The following CSMD1 variants were observed in gnomAD, a reference collection of about 807,000 sequenced individuals.
The protein encoded by CSMD1 is CUB and Sushi multiple domains 1, also known as CUB and sushi domain-containing protein 1.
Under a neutral mutation model 417.5 loss-of-function variants are expected in CSMD1, and 213 were observed. The observed-to-expected ratio is 0.51, with a 90% CI of 0.46 to 0.57. CSMD1 has a LOEUF of 0.57. Ranked by LOEUF, CSMD1 falls within the 20% of genes least tolerant of loss-of-function variation. CSMD1 has a pLI of 0.00. For synonymous variants in CSMD1, 2,862 were observed against 1,736.8 expected, an observed-to-expected ratio of 1.65 and a Z score of -16.11; for missense variants, 6,923 against 4,529.7, an observed-to-expected ratio of 1.53 and a Z score of -15.17.
intron 1 of CSMD1, among the ~76,000 whole-genome samples, chr8:4,979,249 A>G (rs1238947474): frequency 6.6e-6 from 1 of 152,210 alleles, no homozygotes; most frequent in Non-Finnish European, 1.5e-5. Context: ...ATAGCTGCTC[A>G]CATTTATTTA....
At chr8:4,801,165 C>A (rs1201369027) in intron 1 of CSMD1, among the ~76,000 whole-genome samples, 1 of 152,188 alleles carries the variant, frequency 6.6e-6, no homozygotes, top group Non-Finnish European at 1.5e-5. Flanking sequence ...CAATGTCTTA[C>A]TTCAGACTGT....
At chr8:4,923,538 ATAC>A (rs1318206339) in intron 1 of CSMD1, among the ~76,000 whole-genome samples, 1 of 152,084 alleles carries the variant, frequency 6.6e-6, no homozygotes, top group Non-Finnish European at 1.5e-5. Context: ...ATATATATAT[ATAC>A]TATGTGCCCA....
chr8:4,220,572 T>C (rs1293689147), intron 3 of CSMD1, among the ~76,000 whole-genome samples: 2 of 152,162 alleles, frequency 1.3e-5, no homozygotes, highest in Admixed American at 6.5e-5. Context: ...TGTGAAATAA[T>C]TGTGGCTTTT....
intron 7 of CSMD1, among the ~76,000 whole-genome samples, chr8:3,706,107 C>T (rs1235042969): frequency 1.3e-5 from 2 of 152,362 alleles, no homozygotes; most frequent in African/African-American, 4.8e-5. Context: ...ACCTCCCCTA[C>T]CGTTCGCCCC....
Position 4,407,659 on chromosome 8 carries a change from T to C in CSMD1, c.415+12294A>G, listed in dbSNP as rs1373608654. ...AAATACAAGTTAATTAGTGCCTTTG[T>C]CTTTGTGAACTTCATACAAATTTAA... On this transcript the variant is annotated intron_variant, in intron 3 of 69. Coordinates refer to ENST00000635120, the MANE Select transcript of CSMD1 (RefSeq NM_033225.6). Among the ~76,000 whole-genome samples, 3 of 152,242 alleles carry C rather than the reference T, an allele frequency of 2.0e-5. No homozygotes were observed. The East Asian group carries it at 5.8e-4, about 29-fold the overall frequency.
chr8:4,055,943 A>T (rs1229925871), intron 3 of CSMD1, among the ~76,000 whole-genome samples: 6 of 152,170 alleles, frequency 3.9e-5, no homozygotes, highest in Non-Finnish European at 8.8e-5. Flanking sequence ...TGTAAATTAC[A>T]CTTAAAATGA....
At chr8:4,200,726 G>C (rs181954477) in intron 3 of CSMD1, among the ~76,000 whole-genome samples, 1 of 152,252 alleles carries the variant, frequency 6.6e-6, no homozygotes, top group East Asian at 1.9e-4. Flanking sequence ...GCCAGACATG[G>C]TTGTGTGTAT....
intron 26 of CSMD1, among the ~76,000 whole-genome samples, chr8:3,250,611 C>G (rs1354108821): frequency 6.6e-6 from 1 of 152,176 alleles, no homozygotes; most frequent in African/African-American, 2.4e-5. Context: ...ATTTCTAGTT[C>G]TAGGTCCCTG....
intron 50 of CSMD1, among the ~76,000 whole-genome samples, chr8:3,033,732 G>C (rs1262971508): frequency 6.6e-6 from 1 of 152,156 alleles, no homozygotes; most frequent in African/African-American, 2.4e-5. Flanking sequence ...AAACCTGTAT[G>C]TTCTGCACAT....
intron 18 of CSMD1, among the ~76,000 whole-genome samples, chr8:3,370,407 T>C (rs954646616): frequency 2.0e-5 from 3 of 152,160 alleles, no homozygotes; most frequent in African/African-American, 7.2e-5. Context: ...CTGGAACCTC[T>C]CCACCTGCAG....
At chr8:4,194,809 G>C (rs1386820482) in intron 3 of CSMD1, among the ~76,000 whole-genome samples, 4 of 151,630 alleles carry the variant, frequency 2.6e-5, no homozygotes, top group Non-Finnish European at 4.4e-5. Context: ...TGGTCACTAT[G>C]AGTTCTGCAA....
rs188053756 is a variant in CSMD1 at position 3,673,964 on chromosome 8, A to C, written c.1009+34450T>G. Among the ~76,000 whole-genome samples the C allele has an allele frequency of 4.1e-3, 630 of 152,160 alleles. 1 individual carries two copies. The highest frequency in any genetic ancestry group is 7.0e-3 in the Non-Finnish European group (476 of 67,996). ...ACAATCATGTCTCTAATCCAAATACAAAAATTAGCCAGGCATGGTGGCACA... is the reference window on the plus strand; with the variant it reads ...ACAATCATGTCTCTAATCCAAATACCAAAATTAGCCAGGCATGGTGGCACA... On this transcript the variant is annotated intron_variant, in intron 7 of 69. Coordinates refer to ENST00000635120, the MANE Select transcript of CSMD1 (RefSeq NM_033225.6).
intron 3 of CSMD1, among the ~76,000 whole-genome samples, chr8:4,117,064 T>C (rs911869634): frequency 1.3e-5 from 2 of 151,924 alleles, no homozygotes; most frequent in Non-Finnish European, 2.9e-5. Flanking sequence ...TTAACCAGAA[T>C]GAAATCTGGC....
intron 3 of CSMD1, among the ~76,000 whole-genome samples, chr8:4,295,406 A>ATGT (rs1162395142): frequency 6.9e-6 from 1 of 144,708 alleles, no homozygotes; most frequent in African/African-American, 2.5e-5. Flanking sequence ...AAGATTATAT[A>ATGT]ATCTTATTAT....
At chr8:4,732,582 G>A (rs1198522451) in intron 1 of CSMD1, among the ~76,000 whole-genome samples, 1 of 152,068 alleles carries the variant, frequency 6.6e-6, no homozygotes, top group Non-Finnish European at 1.5e-5. Flanking sequence ...TGTCAGAGAA[G>A]CACTGCTTTC....
intron 6 of CSMD1, among the ~76,000 whole-genome samples, chr8:3,741,888 C>A (rs186438537): frequency 1.5e-4 from 23 of 152,250 alleles, no homozygotes; most frequent in Non-Finnish European, 2.5e-4. Flanking sequence ...CAATTCCTTA[C>A]CATGTGAGTC....
Position 4,199,177 on chromosome 8 carries a change from T to C in CSMD1, c.416-167078A>G, listed in dbSNP as rs193189637. 4.5e-3 allele frequency among the ~76,000 whole-genome samples: 689 copies of C among 152,146 alleles called. 4 individuals carry two copies. The highest frequency in any genetic ancestry group is 0.015 in the African/African-American group (635 of 41,460). On this transcript the variant is annotated intron_variant, in intron 3 of 69. Coordinates refer to ENST00000635120, the MANE Select transcript of CSMD1 (RefSeq NM_033225.6). ...GTATCCAGCACAGCACTGGGGATGA[T>C]CCTACTTTCAGAAACATTAAAAAAT...
intron 12 of CSMD1, among the ~76,000 whole-genome samples, chr8:3,457,623 A>C (rs1243798624): frequency 6.6e-6 from 1 of 152,268 alleles, no homozygotes; most frequent in Non-Finnish European, 1.5e-5. Context: ...TATAACTTTT[A>C]AATCAGTAAT....
chr8:4,480,419 T>C (rs752236558), intron 2 of CSMD1, among the ~76,000 whole-genome samples: 1 of 152,162 alleles, frequency 6.6e-6, no homozygotes, highest in African/African-American at 2.4e-5. Context: ...CGCGTTAACA[T>C]CCTTATCTCG....
Sources: gnomAD v4.1 joint callset for allele counts (sites outside exome capture counted in the v4.1 genomes callset) on GRCh38, gnomAD v4.1.1 for gene constraint, MANE v1.5 for transcripts, NCBI Gene and HGNC (gene_info 2026-07-23, HGNC 2026-07-21) for gene names.